The following ZFAT variants were observed in gnomAD, a reference collection of about 807,000 sequenced individuals.
The protein encoded by ZFAT is zinc finger and AT-hook domain containing, also known as zinc finger protein ZFAT.
In ZFAT, 64 loss-of-function variants were observed where a neutral mutation model predicts 117.7. That is an observed-to-expected ratio of 0.54 (90% CI 0.44 to 0.67). The LOEUF is 0.67. Ranked by LOEUF, ZFAT falls within the 30% of genes least tolerant of loss-of-function variation. The pLI is 0.00. For missense variants in ZFAT, 1,433 were observed against 1,584.5 expected (o/e 0.90, Z 1.62); for synonymous variants, 679 against 615.0 (o/e 1.10, Z -1.54).
upstream of ZFAT, among the ~76,000 whole-genome samples, chr8:134,714,037 G>C (rs199960572): frequency 2.0e-5 from 3 of 149,192 alleles, no homozygotes; most frequent in African/African-American, 7.4e-5. Flanking sequence ...GTCATATAAA[G>C]TTTTTAAATT....
chr8:134,700,557 G>A (rs1005246003), intron 1 of ZFAT, among the ~76,000 whole-genome samples: 1 of 152,204 alleles, frequency 6.6e-6, no homozygotes, highest in Non-Finnish European at 1.5e-5. Context: ...GCTCAGGCCT[G>A]ACCCCTGTAC....
the ZFAT span, among the ~76,000 whole-genome samples, chr8:134,778,129 C>A: frequency 2.6e-5 from 4 of 152,224 alleles, no homozygotes; most frequent in African/African-American, 9.7e-5. Context: ...AACTTCCCAG[C>A]TGAATTGTCA....
chr8:134,602,693 C>T lies in ZFAT; in HGVS notation c.1026G>A (p.Lys342=), dbSNP rs769959581. ...SFTCLSKGHL[K]VHIERVHKKI... The stretch of plus-strand genomic sequence containing the variant: ...TCTTGTGCACTCGCTCGATGTGCAC[C>T]TTGAGGTGGCCCTTGCTCAGGCAGG... Residue 342 remains lysine, a synonymous_variant, in exon 6 of 16, where the codon AAG becomes AAA. Coordinates refer to ENST00000377838, the MANE Select transcript of ZFAT (RefSeq NM_020863.4). The T allele has an allele frequency of 6.2e-7, 1 of 1,614,092 alleles. No individual in the cohort carries two copies. The highest frequency in any genetic ancestry group is 1.7e-5 in the Admixed American group (1 of 60,026).
chr8:134,497,096 A>C (rs1157281420), intron 15 of ZFAT, among the ~76,000 whole-genome samples: 1 of 152,208 alleles, frequency 6.6e-6, no homozygotes, highest in Admixed American at 6.5e-5. Context: ...GGTCTTCTTG[A>C]AACATCCCAC....
chr8:134,571,432 G>A (rs1824891353), intron 10 of ZFAT, among the ~76,000 whole-genome samples: 1 of 136,750 alleles, frequency 7.3e-6, no homozygotes, highest in African/African-American at 2.5e-5. Context: ...TACCATAAAT[G>A]CCCCGTGGCG....
chr8:134,760,199 C>T, the ZFAT span, among the ~76,000 whole-genome samples: 19 of 143,812 alleles, frequency 1.3e-4, no homozygotes, highest in Admixed American at 1.1e-3. Flanking sequence ...ACCCAGGAGG[C>T]GGAGCTTGCA....
intron 3 of ZFAT, among the ~76,000 whole-genome samples, chr8:134,616,546 T>C (rs970116582): frequency 6.6e-6 from 1 of 152,118 alleles, no homozygotes; most frequent in Non-Finnish European, 1.5e-5. Flanking sequence ...GGCCTTTCAA[T>C]AGGTGTTTTT....
chr8:134,598,320 G>C (rs1827119543), intron 7 of ZFAT: 1 of 152,406 alleles, frequency 6.6e-6, no homozygotes, highest in Admixed American at 6.5e-5. Context: ...GATAAAGACA[G>C]CAGCTGTTCC....
At chr8:134,525,426 C>T (rs913702559) in intron 12 of ZFAT, among the ~76,000 whole-genome samples, 11 of 152,140 alleles carry the variant, frequency 7.2e-5, no homozygotes, top group Non-Finnish European at 1.5e-4. Flanking sequence ...TTATGTATTG[C>T]TCATTAGGGT....
intron 11 of ZFAT, among the ~76,000 whole-genome samples, chr8:134,564,082 G>A (rs1042263404): frequency 2.6e-5 from 4 of 151,590 alleles, no homozygotes; most frequent in African/African-American, 9.7e-5. Flanking sequence ...TTGAAACCAG[G>A]AGACAGAGGT....
chr8:134,600,790 C>T (rs1827367651), intron 6 of ZFAT, 122 bp from the exon 7 acceptor site: 3 of 806,636 alleles, frequency 3.7e-6, no homozygotes, highest in African/African-American at 1.8e-5. Flanking sequence ...CCGGGTCACC[C>T]TTCATACTTT....
chr8:134,740,208 C>T, the ZFAT span, among the ~76,000 whole-genome samples: 1 of 152,204 alleles, frequency 6.6e-6, no homozygotes, highest in Admixed American at 6.5e-5. Flanking sequence ...GGCACCCATT[C>T]CCTTCTAGGA....
chr8:134,515,175 T>G (rs1010926424), intron 13 of ZFAT, among the ~76,000 whole-genome samples: 1 of 152,252 alleles, frequency 6.6e-6, no homozygotes. Flanking sequence ...CCATGGTGTA[T>G]GTGTACTGAA....
chr8:134,606,964 T>C (rs556402052), intron 5 of ZFAT, among the ~76,000 whole-genome samples: 8 of 152,322 alleles, frequency 5.3e-5, no homozygotes, highest in African/African-American at 1.9e-4. Flanking sequence ...AGAAGAATTA[T>C]ATAACCTAAA....
chr8:134,754,247 T>C, the ZFAT span, among the ~76,000 whole-genome samples: 2 of 152,204 alleles, frequency 1.3e-5, no homozygotes, highest in Non-Finnish European at 2.9e-5. Flanking sequence ...CATCAGATGA[T>C]GCCCGAGCAG....
chr8:134,825,043 T>C, the ZFAT span, among the ~76,000 whole-genome samples: 1 of 152,236 alleles, frequency 6.6e-6, no homozygotes, highest in Non-Finnish European at 1.5e-5. Context: ...TGGTGTCTAT[T>C]CTTCCACCTT....
At position 134,609,163 on chromosome 8, in the gene ZFAT, CACACATATACATATATATGTATAT is replaced by C. The variant is rs1461919454; in HGVS notation, c.635-308_635-285del. On this transcript the variant is annotated intron_variant, in intron 4 of 15. Transcript: ENST00000377838. ...ATTAAAAAGTACACATATACACACACACACATATACATATATATGTATATACATATACATATATATGTTACTTGC... is the reference window on the plus strand; with the variant it reads ...ATTAAAAAGTACACATATACACACACACATATACATATATATGTTACTTGC... Among the ~76,000 whole-genome samples, 6 of 151,886 alleles carry C rather than the reference CACACATATACATATATATGTATAT, an allele frequency of 4.0e-5. No homozygotes were observed. The East Asian group carries it at 5.8e-4, about 15-fold the overall frequency.
chr8:134,537,648 T>C (rs1488139754), intron 11 of ZFAT, among the ~76,000 whole-genome samples: 1 of 151,728 alleles, frequency 6.6e-6, no homozygotes, highest in African/African-American at 2.4e-5. Flanking sequence ...CATTTTGAAA[T>C]ATCACTCTGG....
At chr8:134,616,383 A>G (rs1828736140) in intron 3 of ZFAT, among the ~76,000 whole-genome samples, 1 of 152,138 alleles carries the variant, frequency 6.6e-6, no homozygotes, top group Admixed American at 6.5e-5. Flanking sequence ...CTGGTTGCTC[A>G]CCAATTTCCC....
Sources: gnomAD v4.1 joint callset for allele counts (sites outside exome capture counted in the v4.1 genomes callset) on GRCh38, gnomAD v4.1.1 for gene constraint, MANE v1.5 for transcripts, NCBI Gene and HGNC (gene_info 2026-07-23, HGNC 2026-07-21) for gene names.